Variants in GPC5 observed in about 807,000 individuals in gnomAD.
GPC5 encodes glypican-5.
Under a neutral mutation model 53.9 loss-of-function variants are expected in GPC5, and 47 were observed. That is an observed-to-expected ratio of 0.87 (90% CI 0.69 to 1.11). GPC5 has a LOEUF of 1.11. Ranked by LOEUF, GPC5 falls within the 50% of genes most tolerant of loss-of-function variation. GPC5 has a pLI of 0.00. For synonymous variants in GPC5, 286 were observed against 263.3 expected (o/e 1.09, Z -0.84); for missense variants, 748 against 713.1 (o/e 1.05, Z -0.56).
intron 7 of GPC5, among the ~76,000 whole-genome samples, chr13:92,650,925 T>A (rs1011973587): frequency 6.6e-6 from 1 of 152,090 alleles, no homozygotes. Flanking sequence ...CCCCTCATCC[T>A]GGTGTGTGTT....
intron 5 of GPC5, among the ~76,000 whole-genome samples, chr13:91,903,777 T>C (rs911343529): frequency 2.0e-5 from 3 of 152,136 alleles, no homozygotes; most frequent in Admixed American, 6.6e-5. Flanking sequence ...TTTATCTAAA[T>C]ATTATTTTAC....
intron 6 of GPC5, among the ~76,000 whole-genome samples, chr13:91,964,796 C>T (rs925854750): frequency 3.3e-5 from 5 of 151,992 alleles, no homozygotes; most frequent in Non-Finnish European, 4.4e-5. Context: ...GTGTTTATTG[C>T]GGCACTATTC....
At chr13:92,794,825 AAGGG>A (rs1189783101) in intron 7 of GPC5, among the ~76,000 whole-genome samples, 1 of 152,174 alleles carries the variant, frequency 6.6e-6, no homozygotes, top group Non-Finnish European at 1.5e-5. Flanking sequence ...TCCAACTTAC[AAGGG>A]ATGTGAAAGA....
At position 92,168,755 on chromosome 13, in the gene GPC5, A is replaced by G. The variant is rs1045300201; in HGVS notation, c.1561+23766A>G. ...GGTGGCAAGGTAAATTAGTTCAACC[A>G]TTGTGGAAGACAGTGTGGCAGTTCC... is the stretch of plus-strand genomic sequence containing the variant. On this transcript the variant is annotated intron_variant, in intron 7 of 7. Coordinates refer to ENST00000377067, the MANE Select transcript of GPC5 (RefSeq NM_004466.6). Among the ~76,000 whole-genome samples the G allele has an allele frequency of 7.2e-5, 11 of 152,330 alleles. No homozygotes were observed. The South Asian group carries it at 8.3e-4, about 11-fold the overall frequency.
intron 7 of GPC5, among the ~76,000 whole-genome samples, chr13:92,693,610 C>T (rs1385748275): frequency 6.6e-6 from 1 of 152,072 alleles, no homozygotes; most frequent in Non-Finnish European, 1.5e-5. Context: ...TTCTAAGCAG[C>T]AAAGTATTCA....
At chr13:92,225,861 T>A (rs2042482327) in intron 7 of GPC5, among the ~76,000 whole-genome samples, 1 of 152,182 alleles carries the variant, frequency 6.6e-6, no homozygotes, top group Non-Finnish European at 1.5e-5. Flanking sequence ...AGGCATTAGC[T>A]GAACGTCAAG....
intron 7 of GPC5, among the ~76,000 whole-genome samples, chr13:92,463,854 A>C (rs776770456): frequency 1.3e-5 from 2 of 152,116 alleles, no homozygotes; most frequent in African/African-American, 4.8e-5. Context: ...TTAAGATACA[A>C]TTTTAGATTA....
intron 6 of GPC5, chr13:91,994,741 A>G (rs1400164978): frequency 6.6e-6 from 1 of 152,140 alleles, no homozygotes; most frequent in Non-Finnish European, 1.5e-5. Flanking sequence ...TTAATTACAC[A>G]AAAGTCCTTT....
At chr13:92,253,950 G>T (rs977820861) in intron 7 of GPC5, among the ~76,000 whole-genome samples, 5 of 151,962 alleles carry the variant, frequency 3.3e-5, no homozygotes, top group Admixed American at 2.0e-4. Context: ...GAACCACAAC[G>T]GGTTCTATAG....
intron 5 of GPC5, among the ~76,000 whole-genome samples, chr13:91,904,145 T>C (rs1320670441): frequency 3.5e-5 from 5 of 144,606 alleles, no homozygotes; most frequent in African/African-American, 5.1e-5. Context: ...TCTTTCTTTT[T>C]TTTTTTTTTT....
intron 4 of GPC5, among the ~76,000 whole-genome samples, chr13:91,750,803 C>T (rs2037158715): frequency 1.3e-5 from 2 of 148,708 alleles, no homozygotes; most frequent in South Asian, 2.2e-4. Context: ...GCTGGGATTA[C>T]AGGCCTGCGC....
intron 7 of GPC5, among the ~76,000 whole-genome samples, chr13:92,853,522 C>T (rs1878885107): frequency 6.6e-6 from 1 of 152,066 alleles, no homozygotes; most frequent in African/African-American, 2.4e-5. Context: ...ACTGTACTGT[C>T]ATTACCATCT....
intron 7 of GPC5, among the ~76,000 whole-genome samples, chr13:92,671,723 A>G (rs942945594): frequency 1.3e-5 from 2 of 152,222 alleles, no homozygotes; most frequent in Non-Finnish European, 2.9e-5. Context: ...ATAAATCTGT[A>G]TATTCCAGTA....
intron 6 of GPC5, among the ~76,000 whole-genome samples, chr13:92,084,785 C>T (rs1261168133): frequency 6.6e-6 from 1 of 152,296 alleles, no homozygotes; most frequent in East Asian, 1.9e-4. Context: ...TGTTACAAAA[C>T]ATGAGTGTTT....
intron 1 of GPC5, among the ~76,000 whole-genome samples, chr13:91,433,541 T>C (rs1443044825): frequency 3.3e-5 from 5 of 152,218 alleles, no homozygotes; most frequent in African/African-American, 7.2e-5. Context: ...CATCATTTTT[T>C]ATGGCTGCAT....
chr13:92,742,284 G>C (rs570937262), intron 7 of GPC5, among the ~76,000 whole-genome samples: 24 of 151,854 alleles, frequency 1.6e-4, no homozygotes, highest in African/African-American at 5.6e-4. Context: ...ATTCTAACTG[G>C]TGTGAGATGG....
intron 2 of GPC5, among the ~76,000 whole-genome samples, chr13:91,478,822 T>TATATATATACAC (rs1323023652): frequency 1.1e-4 from 10 of 92,164 alleles, no homozygotes; most frequent in African/African-American, 5.2e-4. Flanking sequence ...TATATATATA[T>TATATATATACAC]ACACACACAC....
chr13:91,836,005 C>T (rs1005318399), intron 5 of GPC5, among the ~76,000 whole-genome samples: 3 of 152,058 alleles, frequency 2.0e-5, no homozygotes, highest in African/African-American at 7.2e-5. Context: ...CTTTACCTGC[C>T]ATGGGTACAC....
chr13:91,929,371 AATCT>A (rs935195517), intron 6 of GPC5, among the ~76,000 whole-genome samples: 1 of 152,018 alleles, frequency 6.6e-6, no homozygotes, highest in Non-Finnish European at 1.5e-5. Context: ...TTTCTTAGGG[AATCT>A]ATCAACCATA....
Sources: allele counts gnomAD v4.1 joint callset (sites outside exome capture counted in the v4.1 genomes callset), GRCh38; gene constraint gnomAD v4.1.1; transcripts MANE v1.5; gene names NCBI Gene and HGNC (gene_info 2026-07-23, HGNC 2026-07-21).